SEL1L2: variants seen among roughly 807,000 people sequenced by gnomAD.
SEL1L2 encodes protein sel-1 homolog 2.
A neutral mutation model predicts 98.8 loss-of-function variants in SEL1L2; 89 were observed. The observed-to-expected ratio is 0.90, with a 90% CI of 0.76 to 1.07. The LOEUF is 1.07. Ranked by LOEUF, SEL1L2 falls within the 50% of genes least tolerant of loss-of-function variation. The probability of loss-of-function intolerance (pLI) is 0.00; values close to 1 mark genes in which losing one functional copy is unlikely to be tolerated. For synonymous variants in SEL1L2, 262 were observed against 278.5 expected (o/e 0.94, Z 0.59); for missense variants, 788 against 812.0 (o/e 0.97, Z 0.36).
chr20:13,964,085 A>G (rs899839243), intron 1 of SEL1L2, among the ~76,000 whole-genome samples: 2 of 152,016 alleles, frequency 1.3e-5, no homozygotes, highest in African/African-American at 4.8e-5. Flanking sequence ...CATGTTGGCC[A>G]GGCTGGTCTT....
chr20:13,944,911 A>G (rs1412525017), intron 2 of SEL1L2, among the ~76,000 whole-genome samples: 3 of 152,216 alleles, frequency 2.0e-5, no homozygotes, highest in Non-Finnish European at 4.4e-5. Context: ...ATGTGGAATA[A>G]TAAATTTGAC....
chr20:13,864,919 G>A (rs999085069), intron 17 of SEL1L2, among the ~76,000 whole-genome samples: 18 of 152,126 alleles, frequency 1.2e-4, no homozygotes, highest in African/African-American at 3.9e-4. Flanking sequence ...CTGGTGTCAC[G>A]GAGACAGAGC....
chr20:13,965,559 T>C (rs1193378796), intron 1 of SEL1L2, among the ~76,000 whole-genome samples: 1 of 152,320 alleles, frequency 6.6e-6, no homozygotes, highest in Middle Eastern at 3.4e-3. Context: ...CCTCCTAATA[T>C]ATTTAATTAT....
In SEL1L2 at chr20:13,887,576, C is replaced by G. The variant is rs528725237; in HGVS notation, c.745+193G>C. 2.6e-5 allele frequency among the ~76,000 whole-genome samples: 4 copies of G among 152,134 alleles called. No individual in the cohort carries two copies. In the South Asian group the frequency reaches 8.3e-4, roughly 32 times the overall value. ...AACAAAAATAAAAAATGAGTATAAT[C>G]TTTTAAAACCATTTGGAAAGTAACT... On this transcript the variant is annotated intron_variant, in intron 8 of 19. Coordinates refer to ENST00000284951, the MANE Select transcript of SEL1L2 (RefSeq NM_025229.2).
chr20:13,863,147 T>C (rs574448545), intron 17 of SEL1L2, among the ~76,000 whole-genome samples: 2 of 152,304 alleles, frequency 1.3e-5, no homozygotes, highest in African/African-American at 4.8e-5. Context: ...GGAGGTCCAA[T>C]GGAGCTCTAA....
At chr20:13,883,086 C>T (rs1244504713) in intron 10 of SEL1L2, among the ~76,000 whole-genome samples, 2 of 152,140 alleles carry the variant, frequency 1.3e-5, no homozygotes, top group Non-Finnish European at 2.9e-5. Context: ...TCCCAAAGTG[C>T]TGGGATTACA....
intron 1 of SEL1L2, among the ~76,000 whole-genome samples, chr20:13,959,078 C>T (rs553288658): frequency 1.5e-4 from 23 of 152,206 alleles, no homozygotes; most frequent in Middle Eastern, 3.4e-3. Context: ...AACTTAACGT[C>T]GACCATTCTA....
intron 5 of SEL1L2, among the ~76,000 whole-genome samples, chr20:13,893,170 GC>G (rs1242608583): frequency 2.6e-5 from 4 of 151,990 alleles, no homozygotes; most frequent in Admixed American, 2.6e-4. Context: ...CCCCTCCCCT[GC>G]CCTGTGTTTT....
intron 2 of SEL1L2, among the ~76,000 whole-genome samples, chr20:13,939,919 G>A (rs189589247): frequency 2.9e-4 from 44 of 152,154 alleles, no homozygotes; most frequent in African/African-American, 9.6e-4. Context: ...CACCTGCCTC[G>A]GCCTCCCAAA....
At position 13,849,314 on chromosome 20, in the gene SEL1L2, G is replaced by A; in HGVS notation, c.*171C>T. On this transcript the variant is annotated 3_prime_UTR_variant, in exon 20 of 20. Transcript: ENST00000284951. ...GCAAAGGGTTTTCTCTACTAAGCAG[G>A]AAGTCTGAAGTTGTTTCTCTAGGAT... The A allele has an allele frequency of 1.3e-6, 1 of 751,002 alleles. No individual in the cohort carries two copies. Among genetic ancestry groups the A allele is most frequent in the East Asian group, 2.7e-5 (1 of 36,590 alleles). 46.5% of individuals were successfully genotyped at this position (751,002 alleles called of 1,614,324 possible). A position where few individuals can be genotyped will look rare whatever the true frequency, so the allele number is the denominator to read the frequency against.
intron 5 of SEL1L2, among the ~76,000 whole-genome samples, chr20:13,912,960 T>G (rs929615462): frequency 6.6e-6 from 1 of 152,140 alleles, no homozygotes; most frequent in Admixed American, 6.5e-5. Flanking sequence ...GAAACAAAGG[T>G]CAAATTTTTC....
At chr20:13,890,189 A>T (rs893682963) in intron 5 of SEL1L2, among the ~76,000 whole-genome samples, 9 of 152,320 alleles carry the variant, frequency 5.9e-5, no homozygotes, top group Non-Finnish European at 1.3e-4. Flanking sequence ...CTTGGGAGGG[A>T]AAGAGAAGAA....
intron 3 of SEL1L2, among the ~76,000 whole-genome samples, chr20:13,927,164 A>G (rs1157813471): frequency 6.6e-6 from 1 of 152,254 alleles, no homozygotes; most frequent in Middle Eastern, 3.2e-3. Context: ...ATGTTCAACT[A>G]TAAAATACTA....
chr20:13,993,491 A>C (rs1463964567), upstream of SEL1L2, among the ~76,000 whole-genome samples: 1 of 152,192 alleles, frequency 6.6e-6, no homozygotes, highest in African/African-American at 2.4e-5. Flanking sequence ...ATTAATACTA[A>C]ATGCTGGAAC....
chr20:13,897,886 A>C (rs1181007983), intron 5 of SEL1L2, among the ~76,000 whole-genome samples: 1 of 109,404 alleles, frequency 9.1e-6, no homozygotes, highest in Non-Finnish European at 2.1e-5. Context: ...AAAACAAAAC[A>C]AAAAAAAACC....
At position 13,865,384 on chromosome 20, in the gene SEL1L2, A is replaced by C; in HGVS notation, c.1535T>G (p.Val512Gly). The C allele has an allele frequency of 6.2e-7, 1 of 1,614,146 alleles. No individual in the cohort carries two copies. The highest frequency in any genetic ancestry group is 8.5e-7 in the Non-Finnish European group (1 of 1,179,992). ...AATGAATGCTGAATTGCTTTGAGCT[A>C]CTTCATACCCCATTTCTGCAAGCAG... ...YALLAEMGYEVAQSNSAFILE... is the reference protein window; with the variant it reads ...YALLAEMGYEGAQSNSAFILE... The change falls in exon 16 of 20, where the codon GTA (valine) becomes GGA (glycine). Residue 512 changes from valine (V) to glycine (G), a missense_variant. By Grantham distance (109) the Val-to-Gly change is moderately radical (BLOSUM62 -3). Coordinates refer to ENST00000284951, the MANE Select transcript of SEL1L2 (RefSeq NM_025229.2).
At position 13,849,667 on chromosome 20, in the gene SEL1L2, A is replaced by G. The variant is rs1226309109; in HGVS notation, c.1948-63T>C. ...CTTCCCACCTCCACTCAGAGCCACC[A>G]TCTCTTCCCAAACCCACCACCACCA... On this transcript the variant is annotated intron_variant, in intron 19 of 19. Coordinates refer to ENST00000284951, the MANE Select transcript of SEL1L2 (RefSeq NM_025229.2). 4 of 1,583,300 alleles carry G rather than the reference A, an allele frequency of 2.5e-6. No individual in the cohort carries two copies. The South Asian group carries it at 3.5e-5, about 14-fold the overall frequency.
At chr20:13,902,869 G>C (rs1263873697) in intron 5 of SEL1L2, among the ~76,000 whole-genome samples, 1 of 152,146 alleles carries the variant, frequency 6.6e-6, no homozygotes, top group Non-Finnish European at 1.5e-5. Flanking sequence ...TGTAATCCCA[G>C]TACTTTGGGA....
At chr20:13,915,422 A>C (rs2048362534) in intron 4 of SEL1L2, among the ~76,000 whole-genome samples, 1 of 152,166 alleles carries the variant, frequency 6.6e-6, no homozygotes, top group Non-Finnish European at 1.5e-5. Context: ...ACCCAGAGAG[A>C]GGCAACAGGA....
Sources: allele counts gnomAD v4.1 joint callset (sites outside exome capture counted in the v4.1 genomes callset), GRCh38; gene constraint gnomAD v4.1.1; transcripts MANE v1.5; gene names NCBI Gene and HGNC (gene_info 2026-07-23, HGNC 2026-07-21).